Variants in PAM observed in about 807,000 individuals in gnomAD.
PAM encodes the protein peptidyl-glycine alpha-amidating monooxygenase.
PAM carries 72 observed loss-of-function variants against 122.1 expected under a neutral mutation model. The ratio of observed to expected loss-of-function variants is 0.59; its 90% CI spans 0.49 to 0.72. The LOEUF (loss-of-function observed/expected upper bound fraction) is 0.72. Ranked by LOEUF, PAM falls within the 30% of genes least tolerant of loss-of-function variation. The pLI is 0.00. For synonymous variants in PAM, 389 were observed against 404.4 expected (o/e 0.96, Z 0.46); for missense variants, 1,106 against 1,183.7 (o/e 0.93, Z 0.96).
chr5:102,910,643 C>T (rs1296277120), intron 4 of PAM, among the ~76,000 whole-genome samples: 2 of 151,734 alleles, frequency 1.3e-5, no homozygotes, highest in Non-Finnish European at 2.9e-5. Flanking sequence ...TATAATATTC[C>T]TTTGCATTCT....
intron 5 of PAM, among the ~76,000 whole-genome samples, chr5:102,917,951 A>G (rs187510743): frequency 6.7e-4 from 102 of 152,252 alleles, no homozygotes; most frequent in African/African-American, 2.4e-3. Context: ...GCCTTTTGTG[A>G]CTCATTCCAA....
At chr5:102,785,891 T>C (rs1760391622) in intron 1 of PAM, among the ~76,000 whole-genome samples, 1 of 152,128 alleles carries the variant, frequency 6.6e-6, no homozygotes. Flanking sequence ...CAAGTGGTTA[T>C]ATATGTACTA....
At chr5:102,759,033 A>T (rs769621131) in intron 1 of PAM, among the ~76,000 whole-genome samples, 1 of 152,248 alleles carries the variant, frequency 6.6e-6, no homozygotes, top group Non-Finnish European at 1.5e-5. Flanking sequence ...AATGGTATAC[A>T]AGACAGTTAT....
chr5:102,947,470 G>C (rs1757419814), intron 8 of PAM, among the ~76,000 whole-genome samples: 1 of 152,116 alleles, frequency 6.6e-6, no homozygotes, highest in African/African-American at 2.4e-5. Flanking sequence ...TGGGAACTAA[G>C]CTGTGAGAAT....
At chr5:102,755,014 G>A (rs1358538258), upstream of PAM, 2 of 152,378 alleles carry the variant, frequency 1.3e-5, no homozygotes, top group South Asian at 2.1e-4. Flanking sequence ...CAATCGCTGG[G>A]GACTCGCCAG....
At chr5:102,848,689 G>C (rs1384770862) in intron 1 of PAM, among the ~76,000 whole-genome samples, 1 of 152,100 alleles carries the variant, frequency 6.6e-6, no homozygotes, top group Admixed American at 6.5e-5. Context: ...TAATAGAACT[G>C]AAACTAGAAA....
In PAM at chr5:102,807,859, G is replaced by T. The variant is rs559328333; in HGVS notation, c.-374+52511G>T. On this transcript the variant is annotated intron_variant, in intron 1 of 25. Coordinates refer to ENST00000438793, the MANE Select transcript of PAM (RefSeq NM_001177306.2). The stretch of plus-strand genomic sequence containing the variant: ...TCAGAGCTTCAGATGTGAGGGGAAT[G>T]ATGCTAATAGAATCATGTAAAGATG... Among the ~76,000 whole-genome samples, 7 of 152,244 alleles carry T rather than the reference G, an allele frequency of 4.6e-5. No homozygotes were observed. The South Asian group carries it at 1.5e-3, about 32-fold the overall frequency.
chr5:102,762,481 C>G (rs1338754113), intron 1 of PAM, among the ~76,000 whole-genome samples: 1 of 152,054 alleles, frequency 6.6e-6, no homozygotes, highest in Non-Finnish European at 1.5e-5. Flanking sequence ...CTGTTTATTG[C>G]ATGAGTCACT....
At chr5:102,931,213 ATGT>A (rs1267995051) in intron 7 of PAM, among the ~76,000 whole-genome samples, 1 of 152,200 alleles carries the variant, frequency 6.6e-6, no homozygotes, top group Non-Finnish European at 1.5e-5. Context: ...CTTTTCAAAG[ATGT>A]TGTAGTTTCT....
intron 1 of PAM, among the ~76,000 whole-genome samples, chr5:102,769,452 C>A (rs1158331157): frequency 6.6e-6 from 1 of 152,012 alleles, no homozygotes; most frequent in Non-Finnish European, 1.5e-5. Flanking sequence ...GAGTGTTTTC[C>A]CAATGTTTTC....
At chr5:103,012,193 T>C (rs1780822638) in intron 21 of PAM, among the ~76,000 whole-genome samples, 2 of 152,206 alleles carry the variant, frequency 1.3e-5, no homozygotes, top group Non-Finnish European at 2.9e-5. Context: ...TTTGCAATTT[T>C]TTTTCCTCAT....
rs192159913 is a variant in PAM, at chr5:102,854,753, T to G, written c.-373-11070T>G. On this transcript the variant is annotated intron_variant, in intron 1 of 25. Transcript: ENST00000438793. ...TAAGCTCAAGACAGCAAGAAACAGT[T>G]TAATAGCAATGAAATAAACTCACCA... is the stretch of plus-strand genomic sequence containing the variant. Among the ~76,000 whole-genome samples, 19 of 152,290 alleles carry G rather than the reference T, an allele frequency of 1.2e-4. No individual in the cohort carries two copies. The East Asian group carries it at 3.5e-3, about 28-fold the overall frequency.
chr5:102,881,660 C>G (rs59385811), intron 3 of PAM, among the ~76,000 whole-genome samples: 2,012 of 150,744 alleles, frequency 0.013, 47 homozygotes, highest in African/African-American at 0.047. Flanking sequence ...AAACAAACCA[C>G]AGAGTCATGT....
intron 1 of PAM, among the ~76,000 whole-genome samples, chr5:102,854,403 G>A (rs1224674455): frequency 6.6e-6 from 1 of 152,052 alleles, no homozygotes; most frequent in Non-Finnish European, 1.5e-5. Flanking sequence ...CAAATGCTGG[G>A]TATTTCACAT....
chr5:102,770,412 C>T (rs1267725567), intron 1 of PAM, among the ~76,000 whole-genome samples: 1 of 151,968 alleles, frequency 6.6e-6, no homozygotes, highest in Non-Finnish European at 1.5e-5. Context: ...CGTTGAATAA[C>T]AATAGTGACA....
intron 1 of PAM, chr5:102,864,628 T>A (rs940904529): frequency 1.3e-5 from 2 of 152,232 alleles, no homozygotes; most frequent in Non-Finnish European, 2.9e-5. Context: ...TTAGATTAGC[T>A]TCACTATCTT....
At chr5:102,809,966 C>A (rs1767417073) in intron 1 of PAM, among the ~76,000 whole-genome samples, 1 of 152,132 alleles carries the variant, frequency 6.6e-6, no homozygotes. Flanking sequence ...AATTATGATA[C>A]TACCTAATTT....
At chr5:102,887,915 T>C (rs1422957825) in intron 3 of PAM, among the ~76,000 whole-genome samples, 1 of 151,916 alleles carries the variant, frequency 6.6e-6, no homozygotes, top group Non-Finnish European at 1.5e-5. Context: ...CCTGACCACC[T>C]CCAATTCCCC....
chr5:102,757,708 G>A (rs748070527), intron 1 of PAM, among the ~76,000 whole-genome samples: 1 of 152,140 alleles, frequency 6.6e-6, no homozygotes, highest in Non-Finnish European at 1.5e-5. Context: ...GGCCTGGTGG[G>A]TCCTGAAGTG....
Sources: allele counts gnomAD v4.1 joint callset (sites outside exome capture counted in the v4.1 genomes callset), GRCh38; gene constraint gnomAD v4.1.1; transcripts MANE v1.5; gene names NCBI Gene and HGNC (gene_info 2026-07-23, HGNC 2026-07-21).